MRPS9: variants seen among roughly 807,000 people sequenced by gnomAD.
The protein encoded by MRPS9 is small ribosomal subunit protein uS9m.
A neutral mutation model predicts 59.9 loss-of-function variants in MRPS9; 45 were observed. The observed-to-expected ratio is 0.75, with a 90% CI of 0.59 to 0.96. The LOEUF (loss-of-function observed/expected upper bound fraction) is 0.96. Ranked by LOEUF, MRPS9 falls within the 40% of genes least tolerant of loss-of-function variation. The pLI is 0.00. For synonymous variants in MRPS9, 171 were observed against 166.8 expected, an observed-to-expected ratio of 1.03 and a Z score of -0.19; for missense variants, 473 against 481.1, an observed-to-expected ratio of 0.98 and a Z score of 0.16.
At chr2:105,065,348 C>T (rs1470726830) in intron 2 of MRPS9, among the ~76,000 whole-genome samples, 1 of 152,076 alleles carries the variant, frequency 6.6e-6, no homozygotes, top group East Asian at 1.9e-4. Context: ...CTGGCTTTGC[C>T]ATTTACTTCA....
chr2:105,095,646 C>T (rs1680646257), intron 9 of MRPS9, among the ~76,000 whole-genome samples: 1 of 151,580 alleles, frequency 6.6e-6, no homozygotes, highest in Non-Finnish European at 1.5e-5. Flanking sequence ...TACAGGCATG[C>T]ACCACCATGC....
In MRPS9 at chr2:105,069,937, T is replaced by G. The variant is rs574239057; in HGVS notation, c.316-1376T>G. On this transcript the variant is annotated intron_variant, in intron 2 of 10. Coordinates refer to ENST00000258455, the MANE Select transcript of MRPS9 (RefSeq NM_182640.3). ...CTGAGGTGGGAGGATTGCATGAGCC[T>G]GGGAGGTCAAGGCTGCAGTGAGCAT... 1.4e-3 allele frequency among the ~76,000 whole-genome samples: 215 copies of G among 152,020 alleles called. 1 individual carries two copies. The highest frequency in any genetic ancestry group is 5.0e-3 in the African/African-American group (209 of 41,476).
At chr2:105,084,920 C>G (rs1028469193) in intron 5 of MRPS9, among the ~76,000 whole-genome samples, 3 of 152,014 alleles carry the variant, frequency 2.0e-5, no homozygotes, top group African/African-American at 7.2e-5. Context: ...ATATTATTGT[C>G]TCTATGTTGG....
rs9066 is a variant in MRPS9 at position 105,099,808 on chromosome 2, A to G, written c.*47A>G. The G allele has an allele frequency of 0.22, 338,394 of 1,569,202 alleles. 37,788 individuals are homozygous for G. The highest frequency in any genetic ancestry group is 0.28 in the Middle Eastern group (1,672 of 5,928). ...GAGGAAGAGCTATATATATGTGCCG[A>G]CATGTGGCAGACACACAGTAAATAA... On this transcript the variant is annotated 3_prime_UTR_variant, in exon 11 of 11. Coordinates refer to ENST00000258455, the MANE Select transcript of MRPS9 (RefSeq NM_182640.3).
chr2:105,088,985 A>G lies in MRPS9; in HGVS notation c.491A>G (p.Asp164Gly). 6.2e-7 allele frequency: 1 copy of G among 1,605,266 alleles called. No homozygotes were observed. Among genetic ancestry groups the G allele is most frequent in the Non-Finnish European group, 8.5e-7 (1 of 1,173,730 alleles). ...GKQSYYSLMHDVYGMLLNLEK... is the reference protein window; with the variant it reads ...GKQSYYSLMHGVYGMLLNLEK... ...TACTGTATATTTTGTTTGCCATAGG[A>G]TGTATATGGAATGTTACTCAATTTA... The change falls in exon 6 of 11, where the codon GAT (aspartate) becomes GGT (glycine). Residue 164 changes from aspartate (D) to glycine (G), a missense_variant and splice_region_variant. Asp to Gly is a moderately conservative substitution (Grantham distance 94). Coordinates refer to ENST00000258455, the MANE Select transcript of MRPS9 (RefSeq NM_182640.3).
At chr2:105,062,270 C>A (rs996619453) in intron 2 of MRPS9, among the ~76,000 whole-genome samples, 2 of 152,204 alleles carry the variant, frequency 1.3e-5, no homozygotes, top group Non-Finnish European at 2.9e-5. Flanking sequence ...AAACCCAGTT[C>A]TCTTACCTTT....
intron 2 of MRPS9, among the ~76,000 whole-genome samples, chr2:105,067,136 A>G (rs568395288): frequency 1.1e-4 from 17 of 152,196 alleles, no homozygotes; most frequent in Non-Finnish European, 8.8e-5. Flanking sequence ...AAATGCTTGC[A>G]TTCTTCATAC....
chr2:105,093,124 T>C (rs1680592941), intron 8 of MRPS9, among the ~76,000 whole-genome samples: 1 of 152,214 alleles, frequency 6.6e-6, no homozygotes. Flanking sequence ...TATTTTTTTA[T>C]TTCTACTAGT....
intron 7 of MRPS9, among the ~76,000 whole-genome samples, chr2:105,090,912 G>A (rs1680545001): frequency 1.3e-5 from 2 of 152,170 alleles, no homozygotes. Context: ...AAAAGTTGCA[G>A]TTTGCTTAAA....
intron 1 of MRPS9, among the ~76,000 whole-genome samples, chr2:105,040,815 C>T (rs1008594366): frequency 9.2e-5 from 14 of 152,128 alleles, no homozygotes; most frequent in African/African-American, 3.1e-4. Context: ...AGTAATATGC[C>T]TGAGTCAGAC....
chr2:105,045,072 T>C (rs1411209043), intron 1 of MRPS9, among the ~76,000 whole-genome samples: 1 of 152,020 alleles, frequency 6.6e-6, no homozygotes, highest in Non-Finnish European at 1.5e-5. Flanking sequence ...AGTAAAGATT[T>C]CAAAATCATA....
chr2:105,092,608 G>A, intron 8 of MRPS9, 39 bp downstream of exon 8: 1 of 1,430,644 alleles, frequency 7.0e-7, no homozygotes, highest in Non-Finnish European at 9.3e-7. Context: ...ATTCAGTGAA[G>A]GTTGAAAAAC....
At chr2:105,069,423 C>T (rs1680069422) in intron 2 of MRPS9, among the ~76,000 whole-genome samples, 1 of 152,082 alleles carries the variant, frequency 6.6e-6, no homozygotes, top group South Asian at 2.1e-4. Context: ...CCACGTTGGC[C>T]AGTCTGGTCT....
At chr2:105,088,837 T>C (rs1047133215) in intron 5 of MRPS9, 147 bp from the exon 6 acceptor site, 2 of 441,838 alleles carry the variant, frequency 4.5e-6, no homozygotes, top group Non-Finnish European at 8.0e-6. Flanking sequence ...AAAAGCATTT[T>C]CAGTTTTATT....
intron 10 of MRPS9, chr2:105,098,715 G>A (rs1236041584): frequency 1.3e-5 from 2 of 152,168 alleles, no homozygotes; most frequent in African/African-American, 4.8e-5. Context: ...TCATAAACAA[G>A]GTTTTCCTTT....
chr2:105,067,245 G>A (rs960509060), intron 2 of MRPS9, among the ~76,000 whole-genome samples: 2 of 152,128 alleles, frequency 1.3e-5, no homozygotes, highest in African/African-American at 2.4e-5. Context: ...GTTTTCCCCA[G>A]AATGTCTTTG....
chr2:105,066,234 G>C (rs1339931487), intron 2 of MRPS9, among the ~76,000 whole-genome samples: 1 of 151,912 alleles, frequency 6.6e-6, no homozygotes, highest in African/African-American at 2.4e-5. Context: ...GGTATCTTTT[G>C]CTCTGTGGAC....
intron 2 of MRPS9, among the ~76,000 whole-genome samples, chr2:105,065,219 A>C (rs886439024): frequency 2.0e-5 from 3 of 152,196 alleles, no homozygotes; most frequent in African/African-American, 7.2e-5. Context: ...TTTACTACTA[A>C]ATAGCTGGAT....
intron 9 of MRPS9, among the ~76,000 whole-genome samples, chr2:105,095,304 A>G (rs1680634886): frequency 6.6e-6 from 1 of 152,186 alleles, no homozygotes; most frequent in Admixed American, 6.5e-5. Context: ...GAGCTTAAAC[A>G]CTTTCCTGGC....
Sources: gnomAD v4.1 joint callset for allele counts (sites outside exome capture counted in the v4.1 genomes callset) on GRCh38, gnomAD v4.1.1 for gene constraint, MANE v1.5 for transcripts, NCBI Gene and HGNC (gene_info 2026-07-23, HGNC 2026-07-21) for gene names.